The following STXBP5 variants were observed in gnomAD, a reference collection of about 807,000 sequenced individuals.
STXBP5 encodes syntaxin-binding protein 5.
A neutral mutation model predicts 152.4 loss-of-function variants in STXBP5; 50 were observed. The ratio of observed to expected loss-of-function variants is 0.33; its 90% confidence interval spans 0.26 to 0.42. The LOEUF is 0.42. Ranked by LOEUF, STXBP5 falls within the 10% of genes least tolerant of loss-of-function variation. STXBP5 has a pLI of 1.00. For missense variants in STXBP5, 1,167 were observed against 1,388.6 expected (o/e 0.84, Z 2.54); for synonymous variants, 492 against 494.7 (o/e 0.99, Z 0.07).
intron 9 of STXBP5, among the ~76,000 whole-genome samples, chr6:147,301,854 C>G (rs1451364383): frequency 6.6e-6 from 1 of 152,142 alleles, no homozygotes; most frequent in East Asian, 1.9e-4. Flanking sequence ...GGTGAGATTA[C>G]CACACTGCTT....
chr6:147,231,289 T>G (rs993751914), intron 2 of STXBP5, among the ~76,000 whole-genome samples: 2 of 151,844 alleles, frequency 1.3e-5, no homozygotes, highest in African/African-American at 4.8e-5. Context: ...GTGCTCCTGA[T>G]CTGTTTTAAC....
At chr6:147,233,926 A>G (rs1044699334) in intron 2 of STXBP5, among the ~76,000 whole-genome samples, 3 of 150,610 alleles carry the variant, frequency 2.0e-5, no homozygotes, top group African/African-American at 7.3e-5. Context: ...GTGTTTAAAG[A>G]GTAGGATACT....
intron 19 of STXBP5, among the ~76,000 whole-genome samples, chr6:147,337,238 T>A (rs1346893843): frequency 1.6e-5 from 1 of 63,274 alleles, no homozygotes; most frequent in Admixed American, 1.7e-4. Flanking sequence ...AAAATAAATT[T>A]TTAAACTGTT....
At chr6:147,262,232 G>A in intron 5 of STXBP5, 58 bp from the exon 6 acceptor site, 1 of 922,484 alleles carries the variant, frequency 1.1e-6, no homozygotes, top group Non-Finnish European at 1.7e-6. Flanking sequence ...AATGAAATAT[G>A]TAGCCATATT....
At chr6:147,220,495 C>G (rs1053102328) in intron 2 of STXBP5, among the ~76,000 whole-genome samples, 2 of 152,034 alleles carry the variant, frequency 1.3e-5, no homozygotes, top group Non-Finnish European at 2.9e-5. Flanking sequence ...ACTGTAATAG[C>G]GGATTCATAT....
chr6:147,260,819 C>A, intron 5 of STXBP5, 70 bp downstream of exon 5: 2 of 1,505,336 alleles, frequency 1.3e-6, no homozygotes, highest in South Asian at 1.3e-5. Flanking sequence ...TACATCATAG[C>A]CAATCAGTAA....
intron 2 of STXBP5, among the ~76,000 whole-genome samples, chr6:147,218,392 T>C (rs1298278703): frequency 6.6e-6 from 1 of 152,202 alleles, no homozygotes; most frequent in Admixed American, 6.5e-5. Context: ...TTTGGGGTGC[T>C]AATATAAATT....
chr6:147,215,353 A>C (rs1453952231), intron 2 of STXBP5, among the ~76,000 whole-genome samples: 1 of 152,134 alleles, frequency 6.6e-6, no homozygotes, highest in East Asian at 1.9e-4. Flanking sequence ...CACAAATAAG[A>C]GTCTTAAAAA....
In STXBP5 at chr6:147,384,306, A is replaced by G. The variant is rs1004595672; in HGVS notation, c.3415-408A>G. Reference sequence around the variant, plus strand: ...AGAATGGTTATGACTGAAATCAAGTAGGAAAAGTGTGTCATGCAGTGTCTG... The same window carrying G: ...AGAATGGTTATGACTGAAATCAAGTGGGAAAAGTGTGTCATGCAGTGTCTG... On this transcript the variant is annotated intron_variant, in intron 27 of 27. Coordinates refer to ENST00000321680, the MANE Select transcript of STXBP5 (RefSeq NM_001127715.4). Among the ~76,000 whole-genome samples, 10 of 152,280 alleles carry G rather than the reference A, an allele frequency of 6.6e-5. No individual in the cohort carries two copies. In the East Asian group the frequency reaches 1.9e-3, roughly 30 times the overall value.
chr6:147,243,826 A>G (rs1206128331), intron 4 of STXBP5, among the ~76,000 whole-genome samples: 2 of 151,770 alleles, frequency 1.3e-5, no homozygotes, highest in Non-Finnish European at 2.9e-5. Context: ...ATGATTGTCC[A>G]GTTGTTCCAG....
Position 147,353,322 on chromosome 6 carries a change from G to A in STXBP5, c.2255-1G>A. 1.3e-6 allele frequency: 2 copies of A among 1,573,836 alleles called. No homozygotes were observed. The highest frequency in any genetic ancestry group is 1.8e-5 in the Admixed American group (1 of 55,930). On this transcript the variant is annotated splice_acceptor_variant, in intron 21 of 27. Transcript: ENST00000321680. LOFTEE classifies it high-confidence loss of function. ...TTTTAAAAATGTCTTTTATTTTTCA[G>A]CAAAGATGTCAAGGAAGTTAAGCTT... is the stretch of plus-strand genomic sequence containing the variant.
rs572350942 is a variant in STXBP5 at position 147,270,384 on chromosome 6, G to C, written c.714+3217G>C. Among the ~76,000 whole-genome samples the C allele has an allele frequency of 3.1e-3, 418 of 134,630 alleles. 2 individuals are homozygous for C. The highest frequency in any genetic ancestry group is 4.6e-3 in the Non-Finnish European group (296 of 64,334). 88.3% of individuals were successfully genotyped at this position (134,630 alleles called of 152,430 possible). A position where few individuals can be genotyped will look rare whatever the true frequency, so the allele number is the denominator to read the frequency against. Reference sequence around the variant, plus strand: ...ACTGCACTCCACCCTGGGCGACAGAGTGAGACTCTGTCAAAAAAAAAAAAA... The same window carrying C: ...ACTGCACTCCACCCTGGGCGACAGACTGAGACTCTGTCAAAAAAAAAAAAA... On this transcript the variant is annotated intron_variant, in intron 7 of 27. Transcript: ENST00000321680.
rs751984030 is a variant in STXBP5, at chr6:147,235,254, G to A, written c.253G>A (p.Gly85Ser). 1 of 1,613,048 alleles carries A rather than the reference G, an allele frequency of 6.2e-7. No homozygotes were observed. Among genetic ancestry groups the A allele is most frequent in the Non-Finnish European group, 8.5e-7 (1 of 1,179,322 alleles). ...CCTTAATGGAATTAATTACAGCTTT[G>A]GTCGTCCAGGAGTAGAATGTTATTG... is the stretch of plus-strand genomic sequence containing the variant. ...GTQTGALRLF[G>S]RPGVECYCQH... The change falls in exon 3 of 28, where the codon GGT becomes AGT. Residue 85 changes from glycine to serine, a missense_variant. By Grantham distance (56) the Gly-to-Ser change is moderately conservative (BLOSUM62 0). Coordinates refer to ENST00000321680, the MANE Select transcript of STXBP5 (RefSeq NM_001127715.4).
chr6:147,262,346 A>G lies in STXBP5; in HGVS notation c.623A>G (p.Glu208Gly). 9 of 1,560,096 alleles carry G rather than the reference A, an allele frequency of 5.8e-6. No homozygotes were observed. The highest frequency in any genetic ancestry group is 7.8e-6 in the Non-Finnish European group (9 of 1,157,250). ...CATATAAGTGATAATCCAATGGACG[A>G]GGGAAAGGTAGAATTTTTTGTAAAA... ...VVHISDNPMD[E>G]GKLLIGFESG... Residue 208 changes from glutamate (E) to glycine (G), a missense_variant, in exon 6 of 28, where the codon GAG becomes GGG. Transcript: ENST00000321680.
chr6:147,267,205 C>T, intron 7 of STXBP5, 38 bp downstream of exon 7: 1 of 1,521,420 alleles, frequency 6.6e-7, no homozygotes. Context: ...ATGGTCATTT[C>T]TCTCATATAA....
Position 147,316,141 on chromosome 6 carries a change from T to C in STXBP5, c.1624-88T>C. 4 of 1,254,444 alleles carry C rather than the reference T, an allele frequency of 3.2e-6. No individual in the cohort carries two copies. The South Asian group carries it at 4.3e-5, about 14-fold the overall frequency. 77.7% of individuals were successfully genotyped at this position (1,254,444 alleles called of 1,614,324 possible). ...AAAATCTTCTTGCCACTGAAGTTTA[T>C]GTAAAGTGTGTGTGTATGTGTGTAT... On this transcript the variant is annotated intron_variant, in intron 15 of 27. Coordinates refer to ENST00000321680, the MANE Select transcript of STXBP5 (RefSeq NM_001127715.4).
At chr6:147,285,584 CCT>C (rs1249954821) in intron 8 of STXBP5, among the ~76,000 whole-genome samples, 1 of 151,366 alleles carries the variant, frequency 6.6e-6, no homozygotes, top group Non-Finnish European at 1.5e-5. Context: ...CTATTAACAT[CCT>C]CTCAGAGGGA....
chr6:147,278,819 G>C (rs1780566782), intron 8 of STXBP5, among the ~76,000 whole-genome samples: 2 of 152,144 alleles, frequency 1.3e-5, no homozygotes, highest in Admixed American at 1.3e-4. Flanking sequence ...TTTTCTTATG[G>C]AGTCACACAG....
chr6:147,204,544 C>G lies in STXBP5; in HGVS notation c.12C>G (p.Phe4Leu). 6.2e-7 allele frequency: 1 copy of G among 1,612,196 alleles called. No homozygotes were observed. The highest frequency in any genetic ancestry group is 8.5e-7 in the Non-Finnish European group (1 of 1,179,296). The change falls in exon 1 of 28, where the codon TTC becomes TTG. Residue 4 changes from phenylalanine to leucine, a missense_variant. Around this residue, in one of 3 missense-constraint regions of STXBP5, gnomAD observed 310 missense variants for 346.1 expected, o/e 0.90. Coordinates refer to ENST00000321680, the MANE Select transcript of STXBP5 (RefSeq NM_001127715.4). This position sits in a 1 kb window ranked among gnomAD's most constrained non-coding sequence, Gnocchi z 4.3. ...GCCCCTCCGAGACCATGAGGAAATT[C>G]AACATCAGGAAGGTGCTGGACGGCC... MRK[F>L]NIRKVLDGLT...
Sources: gnomAD v4.1 joint callset for allele counts (sites outside exome capture counted in the v4.1 genomes callset) on GRCh38, gnomAD v4.1.1 for gene constraint, gnomAD v4.1.1 regional missense constraint, Gnocchi (gnomAD v3.1) non-coding constraint, MANE v1.5 for transcripts, NCBI Gene and HGNC (gene_info 2026-07-23, HGNC 2026-07-21) for gene names.